CAMSAP1: variants seen among roughly 807,000 people sequenced by gnomAD.
CAMSAP1 encodes calmodulin-regulated spectrin-associated protein 1.
CAMSAP1 carries 58 observed loss-of-function variants against 143.5 expected under a neutral mutation model. The ratio of observed to expected loss-of-function variants is 0.40; its 90% CI spans 0.33 to 0.50. CAMSAP1 has a LOEUF of 0.50. Ranked by LOEUF, CAMSAP1 falls within the 20% of genes least tolerant of loss-of-function variation. The pLI, the probability that CAMSAP1 is intolerant of heterozygous loss-of-function variation, is 0.45. For synonymous variants in CAMSAP1, 945 were observed against 859.3 expected, an observed-to-expected ratio of 1.10 and a Z score of -1.74; for missense variants, 1,969 against 2,115.7, an observed-to-expected ratio of 0.93 and a Z score of 1.36.
chr9:135,850,464 A>G lies in CAMSAP1; in HGVS notation c.809-3T>C. 1 of 1,552,412 alleles carries G rather than the reference A, an allele frequency of 6.4e-7. No homozygotes were observed. The highest frequency in any genetic ancestry group is 8.7e-7 in the Non-Finnish European group (1 of 1,154,884). On this transcript the variant is annotated splice_polypyrimidine_tract_variant and splice_region_variant and intron_variant, in intron 5 of 16. Transcript: ENST00000389532. ...CGTTACCTCCTTTAAGCATATATCTAATAGACAAAAAGAAAATCACAATTT... is the reference window on the plus strand; with the variant it reads ...CGTTACCTCCTTTAAGCATATATCTGATAGACAAAAAGAAAATCACAATTT...
intron 3 of CAMSAP1, among the ~76,000 whole-genome samples, chr9:135,876,173 G>A (rs1031098186): frequency 1.3e-5 from 2 of 152,150 alleles, no homozygotes; most frequent in Admixed American, 6.5e-5. Context: ...AGCTGGTCTT[G>A]AACTCCTGAC....
In CAMSAP1 at chr9:135,881,663, G is replaced by C. The variant is rs759028902; in HGVS notation, c.555C>G (p.Leu185=). 1.3e-6 allele frequency: 2 copies of C among 1,551,586 alleles called. No individual in the cohort carries two copies. Among genetic ancestry groups the C allele is most frequent in the African/African-American group, 1.4e-5 (1 of 73,014 alleles). Residue 185 remains leucine, a synonymous_variant, in exon 3 of 17, where the codon CTC becomes CTG. Transcript: ENST00000389532. ...TGATCCAGAACACCATGGCATCCTCGAGGTCGTACGGAAGTTCTTTCGAGG... is the reference window on the plus strand; with the variant it reads ...TGATCCAGAACACCATGGCATCCTCCAGGTCGTACGGAAGTTCTTTCGAGG... The part of the protein sequence containing the change: ...FSASKELPYD[L]EDAMVFWINK...
At chr9:135,830,305 A>C (rs1202414918) in intron 7 of CAMSAP1, among the ~76,000 whole-genome samples, 1 of 152,266 alleles carries the variant, frequency 6.6e-6, no homozygotes, top group Non-Finnish European at 1.5e-5. Context: ...TCAACAGTAT[A>C]CTGCCTACAG....
In CAMSAP1 at chr9:135,818,366, G is replaced by A. The variant is rs753217856; in HGVS notation, c.4168+42C>T. 20 of 1,516,914 alleles carry A rather than the reference G, an allele frequency of 1.3e-5. No individual in the cohort carries two copies. The highest frequency in any genetic ancestry group is 4.1e-5 in the African/African-American group (3 of 72,498). The allele number at this position is 1,516,914 out of a possible 1,614,324, so 94.0% of individuals were successfully genotyped here. ...GCTGAAGAACGTGAGGCCGCCGCCC[G>A]CGGAAGGAAGCGCTGCCCGCGTGAG... On this transcript the variant is annotated intron_variant, in intron 13 of 16. Coordinates refer to ENST00000389532, the MANE Select transcript of CAMSAP1 (RefSeq NM_015447.4). This position sits in a 1 kb window ranked among gnomAD's most constrained non-coding sequence, Gnocchi z 7.7.
Position 135,809,903 on chromosome 9 carries a change from G to A in CAMSAP1, c.*1406C>T, listed in dbSNP as rs1176299612. ...TACCATGTTCCCTCCTTATGTACAC[G>A]ACTCACTCATGTTTTTTGTCTATCT... is the stretch of plus-strand genomic sequence containing the variant. On this transcript the variant is annotated 3_prime_UTR_variant, in exon 17 of 17. Transcript: ENST00000389532. 2.0e-5 allele frequency: 3 copies of A among 152,382 alleles called. No individual in the cohort carries two copies. Among genetic ancestry groups the A allele is most frequent in the African/African-American group, 7.3e-5 (3 of 41,298 alleles). 9.4% of individuals were successfully genotyped at this position (152,382 alleles called of 1,614,324 possible). A position where few individuals can be genotyped will look rare whatever the true frequency, so the allele number is the denominator to read the frequency against.
chr9:135,862,164 C>T (rs1246450922), intron 5 of CAMSAP1, among the ~76,000 whole-genome samples: 2 of 151,856 alleles, frequency 1.3e-5, no homozygotes, highest in Admixed American at 6.6e-5. Context: ...CCACCACCCC[C>T]CGCCCACCCC....
At chr9:135,878,295 G>A (rs1449345442) in intron 3 of CAMSAP1, among the ~76,000 whole-genome samples, 1 of 152,194 alleles carries the variant, frequency 6.6e-6, no homozygotes, top group African/African-American at 2.4e-5. Flanking sequence ...GGGCAGGACA[G>A]AGTCCCAGAG....
chr9:135,864,108 A>C (rs1426988204), intron 4 of CAMSAP1, among the ~76,000 whole-genome samples: 1 of 152,096 alleles, frequency 6.6e-6, no homozygotes, highest in Non-Finnish European at 1.5e-5. Flanking sequence ...TTTACTGAAC[A>C]CTGGGGTCGG....
intron 5 of CAMSAP1, among the ~76,000 whole-genome samples, chr9:135,855,537 G>C (rs1350546240): frequency 1.3e-5 from 2 of 151,702 alleles, no homozygotes; most frequent in Non-Finnish European, 2.9e-5. Flanking sequence ...TCAGGAGTTC[G>C]AGACCAGCCT....
chr9:135,855,933 T>C (rs1373787974), intron 5 of CAMSAP1, among the ~76,000 whole-genome samples: 1 of 151,706 alleles, frequency 6.6e-6, no homozygotes, highest in African/African-American at 2.4e-5. Context: ...GCGCCTGTGG[T>C]CCCAGCTACT....
chr9:135,832,936 G>T (rs1468841772), intron 7 of CAMSAP1, among the ~76,000 whole-genome samples: 1 of 152,076 alleles, frequency 6.6e-6, no homozygotes, highest in Non-Finnish European at 1.5e-5. Context: ...ACATAATATT[G>T]TCAAAATGTC....
intron 7 of CAMSAP1, among the ~76,000 whole-genome samples, chr9:135,828,569 G>A (rs1269315119): frequency 6.6e-6 from 1 of 152,198 alleles, no homozygotes; most frequent in Non-Finnish European, 1.5e-5. Context: ...TAGATGGGAA[G>A]GAAAGAGACT....
chr9:135,903,874 C>T (rs892757364), intron 1 of CAMSAP1, among the ~76,000 whole-genome samples: 1 of 152,158 alleles, frequency 6.6e-6, no homozygotes, highest in African/African-American at 2.4e-5. Context: ...GTTGGGGGGA[C>T]CCACACTGTC....
intron 8 of CAMSAP1, among the ~76,000 whole-genome samples, chr9:135,825,758 G>C (rs1835650766): frequency 6.7e-6 from 1 of 149,294 alleles, no homozygotes; most frequent in African/African-American, 2.4e-5. Context: ...GTGCAGACAG[G>C]CTGGGGAGAT....
intron 7 of CAMSAP1, among the ~76,000 whole-genome samples, chr9:135,842,436 T>C (rs1836390740): frequency 6.6e-6 from 1 of 152,074 alleles, no homozygotes; most frequent in African/African-American, 2.4e-5. Context: ...CAGGATATTA[T>C]CCAGGAGAAC....
chr9:135,824,686 A>C lies in CAMSAP1; in HGVS notation c.1315+103T>G, dbSNP rs1835608565. Reference sequence around the variant, plus strand: ...CTCAAAAAACAAACAAACAAACAAAAAAATCACTACATCAGATAAAATGAT... The same window carrying C: ...CTCAAAAAACAAACAAACAAACAAACAAATCACTACATCAGATAAAATGAT... On this transcript the variant is annotated intron_variant, in intron 9 of 16. Transcript: ENST00000389532. This position sits in a 1 kb window ranked among gnomAD's most constrained non-coding sequence, Gnocchi z 4.1. The C allele has an allele frequency of 7.6e-6, 7 of 926,398 alleles. No individual in the cohort carries two copies. Among genetic ancestry groups the C allele is most frequent in the South Asian group, 7.4e-5 (4 of 53,854 alleles). The allele number at this position is 926,398 out of a possible 1,614,324, so 57.4% of individuals were successfully genotyped here. A position where few individuals can be genotyped will look rare whatever the true frequency, so the allele number is the denominator to read the frequency against.
intron 3 of CAMSAP1, among the ~76,000 whole-genome samples, chr9:135,867,513 T>A: frequency 6.8e-6 from 1 of 147,456 alleles, no homozygotes; most frequent in East Asian, 1.9e-4. Flanking sequence ...GTAAAGCTAA[T>A]CAAGAAAATG....
At chr9:135,825,002 T>C (rs763146211) in intron 8 of CAMSAP1, 122 bp from the exon 9 acceptor site, 6 of 776,180 alleles carry the variant, frequency 7.7e-6, no homozygotes, top group Non-Finnish European at 1.2e-5. Context: ...CTCGGACTGT[T>C]TGGGAAAAAA....
chr9:135,837,724 C>G (rs1836136088), intron 7 of CAMSAP1, among the ~76,000 whole-genome samples: 1 of 149,736 alleles, frequency 6.7e-6, no homozygotes, highest in Middle Eastern at 3.6e-3. Flanking sequence ...TCTACAGACA[C>G]ACATCATCAT....
Sources: gnomAD v4.1 joint callset for allele counts (sites outside exome capture counted in the v4.1 genomes callset) on GRCh38, gnomAD v4.1.1 for gene constraint, Gnocchi (gnomAD v3.1) non-coding constraint, MANE v1.5 for transcripts, NCBI Gene and HGNC (gene_info 2026-07-23, HGNC 2026-07-21) for gene names.